Variants in ADAMTS12 observed in about 807,000 individuals in gnomAD.
The protein encoded by ADAMTS12 is ADAM metallopeptidase with thrombospondin type 1 motif 12.
In ADAMTS12, 118 loss-of-function variants were observed where a neutral mutation model predicts 167.8. That is an observed-to-expected ratio of 0.70 (90% CI 0.61 to 0.82). The LOEUF (loss-of-function observed/expected upper bound fraction) is 0.82. Ranked by LOEUF, ADAMTS12 falls within the 40% of genes least tolerant of loss-of-function variation. The probability of loss-of-function intolerance (pLI) is 0.00; values close to 1 mark genes in which losing one functional copy is unlikely to be tolerated. For synonymous variants in ADAMTS12, 704 were observed against 716.9 expected (o/e 0.98, Z 0.29); for missense variants, 1,916 against 1,998.8 (o/e 0.96, Z 0.79).
intron 2 of ADAMTS12, among the ~76,000 whole-genome samples, chr5:33,831,759 C>G (rs1748308799): frequency 6.6e-6 from 1 of 152,144 alleles, no homozygotes; most frequent in African/African-American, 2.4e-5. Flanking sequence ...TGATTATTAT[C>G]CCTCCTGCCT....
chr5:33,650,314 C>T (rs1463909410), intron 7 of ADAMTS12, among the ~76,000 whole-genome samples: 1 of 152,112 alleles, frequency 6.6e-6, no homozygotes, highest in East Asian at 1.9e-4. Flanking sequence ...TCATTTTCTT[C>T]TCCTAGAAGA....
intron 3 of ADAMTS12, among the ~76,000 whole-genome samples, chr5:33,703,072 C>T (rs757661327): frequency 6.6e-6 from 1 of 152,192 alleles, no homozygotes; most frequent in Non-Finnish European, 1.5e-5. Context: ...ATATGCATCA[C>T]GTGACTAGCA....
chr5:33,705,693 C>A (rs974162095), intron 3 of ADAMTS12, among the ~76,000 whole-genome samples: 2 of 151,726 alleles, frequency 1.3e-5, no homozygotes, highest in Non-Finnish European at 2.9e-5. Flanking sequence ...ACCTGTAGTC[C>A]AGCTATTTGG....
chr5:33,624,767 C>T (rs1426400337), intron 13 of ADAMTS12, among the ~76,000 whole-genome samples: 1 of 152,158 alleles, frequency 6.6e-6, no homozygotes, highest in Non-Finnish European at 1.5e-5. Context: ...AGAATCATGA[C>T]ACTTAGATTG....
intron 2 of ADAMTS12, among the ~76,000 whole-genome samples, chr5:33,758,577 G>A (rs916298037): frequency 3.3e-5 from 5 of 152,168 alleles, no homozygotes; most frequent in African/African-American, 1.2e-4. Context: ...TCCCACAAAA[G>A]TAAAACTAAA....
At chr5:33,786,752 G>A (rs1746342948) in intron 2 of ADAMTS12, among the ~76,000 whole-genome samples, 1 of 152,174 alleles carries the variant, frequency 6.6e-6, no homozygotes, top group Non-Finnish European at 1.5e-5. Flanking sequence ...GCAGTGCAAC[G>A]TGGGATAAAT....
intron 2 of ADAMTS12, among the ~76,000 whole-genome samples, chr5:33,868,460 GT>G (rs1749912728): frequency 1.3e-5 from 2 of 152,218 alleles, no homozygotes; most frequent in African/African-American, 2.4e-5. Context: ...TGAGGAACTT[GT>G]TGGGAACTAG....
chr5:33,548,926 C>G (rs114689616), intron 21 of ADAMTS12, among the ~76,000 whole-genome samples: 3,166 of 152,310 alleles, frequency 0.021, 40 homozygotes, highest in Non-Finnish European at 0.033. Context: ...TGCAAGGACA[C>G]CAATTCCCCA....
rs551892687 is a variant in ADAMTS12, at chr5:33,810,990, G to A, written c.490-59442C>T. Among the ~76,000 whole-genome samples, 294 of 152,304 alleles carry A rather than the reference G, an allele frequency of 1.9e-3. 3 individuals are homozygous for A. The highest frequency in any genetic ancestry group is 6.9e-3 in the African/African-American group (287 of 41,566). On this transcript the variant is annotated intron_variant, in intron 2 of 23. Transcript: ENST00000504830. Reference sequence around the variant, plus strand: ...TGCCTTTTAGTTACAGCTGTTTGATGTGGGGGATGACGTGTCATGGCAGGA... The same window carrying A: ...TGCCTTTTAGTTACAGCTGTTTGATATGGGGGATGACGTGTCATGGCAGGA...
chr5:33,623,121 C>T (rs1739412391), intron 14 of ADAMTS12, among the ~76,000 whole-genome samples: 1 of 152,130 alleles, frequency 6.6e-6, no homozygotes, highest in Non-Finnish European at 1.5e-5. Context: ...GTAACTTCAT[C>T]CTGGGTAGGA....
At chr5:33,646,968 G>C (rs913957673) in intron 9 of ADAMTS12, among the ~76,000 whole-genome samples, 1 of 152,182 alleles carries the variant, frequency 6.6e-6, no homozygotes. Flanking sequence ...TCAATAGACA[G>C]GTTAAATATG....
chr5:33,765,167 G>A (rs1745488337), intron 2 of ADAMTS12, among the ~76,000 whole-genome samples: 1 of 152,092 alleles, frequency 6.6e-6, no homozygotes, highest in Admixed American at 6.6e-5. Flanking sequence ...GATTCAACAA[G>A]TATTTTGCCA....
Position 33,543,033 on chromosome 5 carries a change from T to C in ADAMTS12, c.4446+3026A>G, listed in dbSNP as rs138746693. ...AAGATCAGAGCAGAACTGAAGGAGA[T>C]AGAGATACAACAAACCCTTCAAAAA... On this transcript the variant is annotated intron_variant, in intron 22 of 23. Coordinates refer to ENST00000504830, the MANE Select transcript of ADAMTS12 (RefSeq NM_030955.4). Among the ~76,000 whole-genome samples, 119 of 152,034 alleles carry C rather than the reference T, an allele frequency of 7.8e-4. 2 individuals are homozygous for C. The East Asian group carries it at 0.021, about 26-fold the overall frequency.
intron 3 of ADAMTS12, among the ~76,000 whole-genome samples, chr5:33,724,300 G>A (rs531783891): frequency 6.6e-6 from 1 of 152,282 alleles, no homozygotes; most frequent in African/African-American, 2.4e-5. Flanking sequence ...AGGTCAGGGA[G>A]GGGCAGGGAC....
chr5:33,826,247 G>A lies in ADAMTS12; in HGVS notation c.489+54872C>T, dbSNP rs143702466. Among the ~76,000 whole-genome samples the A allele has an allele frequency of 2.2e-3, 340 of 152,160 alleles. 3 individuals carry two copies. Among genetic ancestry groups the A allele is most frequent in the African/African-American group, 8.0e-3 (334 of 41,526 alleles). Reference sequence around the variant, plus strand: ...ATGCATCTTGATGTGGTCTACAATAGTGTGCTTAGCAAAGAACTTTTCTTC... The same window carrying A: ...ATGCATCTTGATGTGGTCTACAATAATGTGCTTAGCAAAGAACTTTTCTTC... On this transcript the variant is annotated intron_variant, in intron 2 of 23. Transcript: ENST00000504830.
Position 33,639,205 on chromosome 5 carries a change from G to A in ADAMTS12, c.1719-1459C>T, listed in dbSNP as rs191081690. Reference sequence around the variant, plus strand: ...CACAGAATGAGAGATCAATAACTGAGAGCATTTTTTTTGGTTATCGTGAAT... The same window carrying A: ...CACAGAATGAGAGATCAATAACTGAAAGCATTTTTTTTGGTTATCGTGAAT... On this transcript the variant is annotated intron_variant, in intron 11 of 23. Transcript: ENST00000504830. Among the ~76,000 whole-genome samples the A allele has an allele frequency of 1.1e-4, 16 of 152,268 alleles. 1 individual carries two copies. Among genetic ancestry groups the A allele is most frequent in the Non-Finnish European group, 4.4e-5 (3 of 68,020 alleles).
chr5:33,605,652 G>A (rs1248296593), intron 16 of ADAMTS12, among the ~76,000 whole-genome samples: 2 of 152,180 alleles, frequency 1.3e-5, no homozygotes, highest in Non-Finnish European at 2.9e-5. Flanking sequence ...CATTTAAGAT[G>A]TATACAGAGT....
intron 2 of ADAMTS12, among the ~76,000 whole-genome samples, chr5:33,800,319 T>C (rs974493230): frequency 1.3e-5 from 2 of 152,184 alleles, no homozygotes; most frequent in African/African-American, 4.8e-5. Flanking sequence ...GACCTTAGTC[T>C]AGTGAGACAG....
rs1025123575 is a variant in ADAMTS12 at position 33,637,504 on chromosome 5, A to T, written c.1888+73T>A. 2.7e-6 allele frequency: 4 copies of T among 1,473,716 alleles called. 1 individual carries two copies. In the South Asian group the frequency reaches 5.3e-5, roughly 20 times the overall value. 91.3% of individuals were successfully genotyped at this position (1,473,716 alleles called of 1,614,324 possible). A position where few individuals can be genotyped will look rare whatever the true frequency, so the allele number is the denominator to read the frequency against. On this transcript the variant is annotated intron_variant, in intron 12 of 23. Transcript: ENST00000504830. ...GTTAAGCTTTGTGTGGATCACAGAA[A>T]CCCTGACTGACATACAAATGCTTTG...
Sources: gnomAD v4.1 joint callset for allele counts (sites outside exome capture counted in the v4.1 genomes callset) on GRCh38, gnomAD v4.1.1 for gene constraint, MANE v1.5 for transcripts, NCBI Gene and HGNC (gene_info 2026-07-23, HGNC 2026-07-21) for gene names.